Variants in BRAF observed in about 807,000 individuals in gnomAD.
BRAF encodes serine/threonine-protein kinase B-raf.
In BRAF, 16 loss-of-function variants were observed where a neutral mutation model predicts 104.6. The ratio of observed to expected loss-of-function variants is 0.15; its 90% CI spans 0.10 to 0.23. The LOEUF is 0.23. Among genes scored for constraint, BRAF ranks in the 10% least tolerant of loss-of-function variants. The pLI is 1.00. For synonymous variants in BRAF, 310 were observed against 341.6 expected (o/e 0.91, Z 1.02); for missense variants, 541 against 937.3 (o/e 0.58, Z 5.52).
chr7:140,819,044 T>C (rs1012197822), intron 3 of BRAF, among the ~76,000 whole-genome samples: 2 of 152,220 alleles, frequency 1.3e-5, no homozygotes, highest in African/African-American at 4.8e-5. Flanking sequence ...TTCTTTCTCT[T>C]GTTGTGTCAT....
Position 140,725,242 on chromosome 7 carries a change from G to A in BRAF, c.*1252C>T. On this transcript the variant is annotated 3_prime_UTR_variant, in exon 20 of 20. Transcript: ENST00000644969. ...TTAGGAATCAGTTGGAAGAAACAAT[G>A]AGATTATTAGCAAAGATGTTAGTGT... is the stretch of plus-strand genomic sequence containing the variant. 9.6e-7 allele frequency: 1 copy of A among 1,044,626 alleles called. No homozygotes were observed. Among genetic ancestry groups the A allele is most frequent in the Non-Finnish European group, 1.2e-6 (1 of 865,936 alleles). 64.7% of individuals were successfully genotyped at this position (1,044,626 alleles called of 1,614,324 possible).
intron 2 of BRAF, among the ~76,000 whole-genome samples, chr7:140,838,532 G>A (rs540178527): frequency 6.6e-6 from 1 of 152,194 alleles, no homozygotes; most frequent in East Asian, 1.9e-4. Context: ...AAATGACAAC[G>A]CTTCCCAAGT....
At chr7:140,750,302 G>C (rs1797684098) in intron 16 of BRAF, among the ~76,000 whole-genome samples, 1 of 152,176 alleles carries the variant, frequency 6.6e-6, no homozygotes, top group Non-Finnish European at 1.5e-5. Context: ...ATGACTGAAA[G>C]ACCTGGGACA....
intron 14 of BRAF, among the ~76,000 whole-genome samples, chr7:140,764,553 T>C (rs1378141168): frequency 6.6e-6 from 1 of 151,918 alleles, no homozygotes. Flanking sequence ...AAAACCCCAC[T>C]GTCTCAGCCC....
At chr7:140,872,499 A>G (rs546651691) in intron 1 of BRAF, among the ~76,000 whole-genome samples, 7 of 152,290 alleles carry the variant, frequency 4.6e-5, no homozygotes, top group Middle Eastern at 3.4e-3. Context: ...AAAATTTAAG[A>G]ATTTCTCCTT....
At chr7:140,842,986 TTTATC>T in intron 2 of BRAF, among the ~76,000 whole-genome samples, 1 of 152,196 alleles carries the variant, frequency 6.6e-6, no homozygotes, top group South Asian at 2.1e-4. Context: ...TAGTTGAAGA[TTTATC>T]TTCCTATAGA....
At chr7:140,807,396 C>G (rs564180264) in intron 5 of BRAF, among the ~76,000 whole-genome samples, 1 of 151,818 alleles carries the variant, frequency 6.6e-6, no homozygotes, top group East Asian at 1.9e-4. Flanking sequence ...CCTATTCTTA[C>G]GAATTATTAC....
intron 14 of BRAF, among the ~76,000 whole-genome samples, chr7:140,766,274 A>C (rs1799310437): frequency 6.7e-6 from 1 of 149,422 alleles, no homozygotes. Flanking sequence ...GGAACATCAC[A>C]CTCTGGGGAC....
intron 3 of BRAF, among the ~76,000 whole-genome samples, chr7:140,809,434 C>G (rs1051366363): frequency 2.0e-5 from 3 of 152,004 alleles, no homozygotes; most frequent in Non-Finnish European, 4.4e-5. Flanking sequence ...CTAAACATAG[C>G]GGGAAGAAAA....
Position 140,726,520 on chromosome 7 carries a change from T to C in BRAF, c.2402-4A>G. 1.3e-6 allele frequency: 2 copies of C among 1,535,168 alleles called. No homozygotes were observed. Among genetic ancestry groups the C allele is most frequent in the Non-Finnish European group, 1.7e-6 (2 of 1,145,792 alleles). On this transcript the variant is annotated splice_region_variant and splice_polypyrimidine_tract_variant and intron_variant, in intron 19 of 19. Coordinates refer to ENST00000644969, the MANE Select transcript of BRAF (RefSeq NM_001374258.1). Reference sequence around the variant, plus strand: ...TACTTGAAGGCTGCAAATTCTCCTGTAGAGGGAGGACAAGAGCTAATTTTA... The same window carrying C: ...TACTTGAAGGCTGCAAATTCTCCTGCAGAGGGAGGACAAGAGCTAATTTTA...
Position 140,721,018 on chromosome 7 carries a change from T to A in BRAF, c.*5476A>T, listed in dbSNP as rs954848122. On this transcript the variant is annotated 3_prime_UTR_variant, in exon 20 of 20. Coordinates refer to ENST00000644969, the MANE Select transcript of BRAF (RefSeq NM_001374258.1). ...GGTTTGTACAAACATTTTTTGATAC[T>A]ACCATGAATAAACATATTTTAGTTG... 9.4e-7 allele frequency: 1 copy of A among 1,063,972 alleles called. No homozygotes were observed. Among genetic ancestry groups the A allele is most frequent in the Non-Finnish European group, 1.1e-6 (1 of 878,476 alleles). The allele number at this position is 1,063,972 out of a possible 1,614,324, so 65.9% of individuals were successfully genotyped here.
chr7:140,806,806 C>T (rs888887187), intron 5 of BRAF, among the ~76,000 whole-genome samples: 1 of 152,094 alleles, frequency 6.6e-6, no homozygotes, highest in Non-Finnish European at 1.5e-5. Context: ...AAATGCCTTA[C>T]AGAAACACAA....
At chr7:140,754,113 T>A (rs1272256053) in intron 15 of BRAF, 74 bp downstream of exon 14, 1 of 1,450,476 alleles carries the variant, frequency 6.9e-7, no homozygotes, top group South Asian at 1.1e-5. Flanking sequence ...TGTTTTTACA[T>A]AATGTGAAGA....
intron 1 of BRAF, among the ~76,000 whole-genome samples, chr7:140,913,342 T>C (rs1817212171): frequency 6.6e-6 from 1 of 152,092 alleles, no homozygotes; most frequent in South Asian, 2.1e-4. Flanking sequence ...CCTAGATCAC[T>C]ACCTGGCATA....
At chr7:140,864,324 C>A (rs2129086063) in intron 1 of BRAF, among the ~76,000 whole-genome samples, 1 of 152,258 alleles carries the variant, frequency 6.6e-6, no homozygotes, top group African/African-American at 2.4e-5. Flanking sequence ...TGAGAAAAAA[C>A]TAAGAATTAA....
At chr7:140,745,160 CAA>C (rs1245372277) in intron 17 of BRAF, among the ~76,000 whole-genome samples, 1 of 151,728 alleles carries the variant, frequency 6.6e-6, no homozygotes, top group Non-Finnish European at 1.5e-5. Flanking sequence ...GTATATATTT[CAA>C]AAAGAGGGAT....
chr7:140,773,709 C>T (rs1800060840), intron 14 of BRAF, among the ~76,000 whole-genome samples: 2 of 152,148 alleles, frequency 1.3e-5, no homozygotes, highest in South Asian at 4.1e-4. Context: ...CATTTTAACC[C>T]TTTCATCCCC....
rs760446486 is a variant in BRAF at position 140,719,772 on chromosome 7, G to A, written c.*6722C>T. ...TTGTAATTTTTGCAAAGCAGGTATA[G>A]AGAGGTCTGTGGACAATTAAAAAGT... On this transcript the variant is annotated 3_prime_UTR_variant, in exon 20 of 20. Coordinates refer to ENST00000644969, the MANE Select transcript of BRAF (RefSeq NM_001374258.1). 3 of 1,062,776 alleles carry A rather than the reference G, an allele frequency of 2.8e-6. No homozygotes were observed. The highest frequency in any genetic ancestry group is 3.4e-6 in the Non-Finnish European group (3 of 877,716). The allele number at this position is 1,062,776 out of a possible 1,614,324, so 65.8% of individuals were successfully genotyped here.
rs1046759349 is a variant in BRAF at position 140,853,783 on chromosome 7, C to T, written c.139-3571G>A. Among the ~76,000 whole-genome samples, 5 of 152,124 alleles carry T rather than the reference C, an allele frequency of 3.3e-5. No homozygotes were observed. The South Asian group carries it at 6.2e-4, about 19-fold the overall frequency. On this transcript the variant is annotated intron_variant, in intron 1 of 19. Coordinates refer to ENST00000644969, the MANE Select transcript of BRAF (RefSeq NM_001374258.1). ...TGCCCTTTGTTAATTTTATTTGTTC[C>T]GTAGCATATGTGACCACCTTACTAT...
Sources: allele counts gnomAD v4.1 joint callset (sites outside exome capture counted in the v4.1 genomes callset), GRCh38; gene constraint gnomAD v4.1.1; transcripts MANE v1.5; gene names NCBI Gene and HGNC (gene_info 2026-07-23, HGNC 2026-07-21).